UBE2R2: variants seen among roughly 807,000 people sequenced by gnomAD.
The protein encoded by UBE2R2 is ubiquitin conjugating enzyme E2 R2.
UBE2R2 carries 1 observed loss-of-function variant against 27.8 expected under a neutral mutation model. That is an observed-to-expected ratio of 0.04 (90% CI 0.01 to 0.17). The LOEUF (loss-of-function observed/expected upper bound fraction) is 0.17. UBE2R2 is among the 10% of genes least tolerant of loss of function. UBE2R2 has a pLI of 1.00. For missense variants in UBE2R2, 100 were observed against 291.0 expected (o/e 0.34, Z 4.78); for synonymous variants, 106 against 113.3 (o/e 0.94, Z 0.41).
intron 3 of UBE2R2, among the ~76,000 whole-genome samples, chr9:33,907,577 C>T (rs1822381725): frequency 6.6e-6 from 1 of 151,698 alleles, no homozygotes; most frequent in Admixed American, 6.6e-5. Flanking sequence ...ATCTGTTCCT[C>T]TAGACGTGGA....
At chr9:33,854,628 T>C (rs933998193) in intron 1 of UBE2R2, among the ~76,000 whole-genome samples, 1 of 151,962 alleles carries the variant, frequency 6.6e-6, no homozygotes, top group Non-Finnish European at 1.5e-5. Context: ...AGCCCAGAAT[T>C]GTTAATTATA....
chr9:33,829,053 TAG>T (rs1389439524), intron 1 of UBE2R2, among the ~76,000 whole-genome samples: 4 of 152,042 alleles, frequency 2.6e-5, no homozygotes, highest in African/African-American at 7.2e-5. Context: ...GTATTTTTAG[TAG>T]AGACAGGGTT....
In UBE2R2 at chr9:33,819,725, G is replaced by A. The variant is rs144851091; in HGVS notation, c.177+1791G>A. On this transcript the variant is annotated intron_variant, in intron 1 of 4. Transcript: ENST00000263228. The stretch of plus-strand genomic sequence containing the variant: ...GCGATCTCGCCTCACTGCAACCTCC[G>A]CCTCCCAGATTCAAGCTATTCTCCT... Among the ~76,000 whole-genome samples the A allele has an allele frequency of 6.6e-3, 999 of 151,468 alleles. 4 individuals carry two copies. The highest frequency in any genetic ancestry group is 0.014 in the Middle Eastern group (4 of 294).
rs940933710 is a variant in UBE2R2 at position 33,819,880 on chromosome 9, A to T, written c.177+1946A>T. ...TCTCGAACTCCAGACCCTGTGATCA[A>T]CCCGCCTCTGCCTCCCAAAGTGCTG... On this transcript the variant is annotated intron_variant, in intron 1 of 4. Coordinates refer to ENST00000263228, the MANE Select transcript of UBE2R2 (RefSeq NM_017811.4). 1.1e-4 allele frequency among the ~76,000 whole-genome samples: 17 copies of T among 151,864 alleles called. No individual in the cohort carries two copies. The South Asian group carries it at 1.9e-3, about 17-fold the overall frequency.
chr9:33,883,182 G>A (rs139219653), intron 1 of UBE2R2, among the ~76,000 whole-genome samples: 184 of 152,262 alleles, frequency 1.2e-3, no homozygotes, highest in Admixed American at 3.0e-3. Flanking sequence ...CTTAGTGAAT[G>A]CAAGGTTATG....
At chr9:33,887,012 T>A (rs12553078) in intron 2 of UBE2R2, 45 bp downstream of exon 2, 26,738 of 1,465,084 alleles carry the variant, frequency 0.018, 404 homozygotes, top group South Asian at 0.06. Flanking sequence ...TTTTTTTTTT[T>A]AAATCAGTAC....
intron 2 of UBE2R2, among the ~76,000 whole-genome samples, chr9:33,896,177 A>G (rs1822100712): frequency 1.3e-5 from 2 of 152,152 alleles, no homozygotes; most frequent in African/African-American, 4.8e-5. Context: ...AGTTTTGATT[A>G]TGTATCCTAT....
intron 1 of UBE2R2, among the ~76,000 whole-genome samples, chr9:33,865,196 A>C (rs192407188): frequency 5.0e-4 from 75 of 149,066 alleles, no homozygotes; most frequent in Non-Finnish European, 6.1e-4. Flanking sequence ...CTCTCTCTCT[A>C]TCTATCTATC....
At chr9:33,869,159 CTTG>C (rs1821426522) in intron 1 of UBE2R2, among the ~76,000 whole-genome samples, 1 of 151,852 alleles carries the variant, frequency 6.6e-6, no homozygotes. Flanking sequence ...GTCCTAGCTG[CTTG>C]GGAGGCTGAG....
At chr9:33,867,271 G>A (rs2130775317) in intron 1 of UBE2R2, among the ~76,000 whole-genome samples, 1 of 152,212 alleles carries the variant, frequency 6.6e-6, no homozygotes, top group East Asian at 1.9e-4. Context: ...ATTATGTGTA[G>A]TTGTAGATCA....
intron 1 of UBE2R2, among the ~76,000 whole-genome samples, chr9:33,867,997 T>C (rs975329388): frequency 2.0e-5 from 3 of 152,096 alleles, no homozygotes; most frequent in Non-Finnish European, 2.9e-5. Context: ...TTGTTCGGTG[T>C]CCAGGAAGAA....
intron 1 of UBE2R2, among the ~76,000 whole-genome samples, chr9:33,856,807 TTCCG>T (rs1821111965): frequency 6.6e-6 from 1 of 151,520 alleles, no homozygotes; most frequent in Non-Finnish European, 1.5e-5. Flanking sequence ...ACTTCTGTCC[TTCCG>T]TCCTTCCATC....
chr9:33,821,438 G>A (rs986022177), intron 1 of UBE2R2, among the ~76,000 whole-genome samples: 1 of 151,968 alleles, frequency 6.6e-6, no homozygotes, highest in Non-Finnish European at 1.5e-5. Flanking sequence ...TTTTACAGGC[G>A]TCAGCCACCA....
chr9:33,860,911 C>T (rs1344614204), intron 1 of UBE2R2, among the ~76,000 whole-genome samples: 1 of 150,932 alleles, frequency 6.6e-6, no homozygotes, highest in South Asian at 2.1e-4. Flanking sequence ...CCACCCCCTC[C>T]CCACAATCGT....
intron 1 of UBE2R2, among the ~76,000 whole-genome samples, chr9:33,841,359 C>T (rs1165743396): frequency 2.0e-5 from 3 of 152,146 alleles, no homozygotes; most frequent in Non-Finnish European, 4.4e-5. Context: ...GGATTACGGG[C>T]GTGAGCCACT....
At chr9:33,903,818 T>A (rs1381544644) in intron 3 of UBE2R2, among the ~76,000 whole-genome samples, 3 of 152,186 alleles carry the variant, frequency 2.0e-5, no homozygotes, top group African/African-American at 7.2e-5. Context: ...AAGATTGTTT[T>A]CCCTGCTTTT....
intron 1 of UBE2R2, among the ~76,000 whole-genome samples, chr9:33,869,135 G>T (rs1821425881): frequency 6.6e-6 from 1 of 152,062 alleles, no homozygotes; most frequent in African/African-American, 2.4e-5. Flanking sequence ...TGGGTGTGGT[G>T]GTGCAGGCCT....
Position 33,834,554 on chromosome 9 carries a change from G to A in UBE2R2, c.177+16620G>A, listed in dbSNP as rs997361274. Among the ~76,000 whole-genome samples the A allele has an allele frequency of 6.6e-5, 10 of 151,902 alleles. 1 individual carries two copies. The South Asian group carries it at 1.5e-3, about 22-fold the overall frequency. Reference sequence around the variant, plus strand: ...CCACCATCTTCCATGACCTTGTCACGATATTAGCTGTTAAATAGCTACTAT... The same window carrying A: ...CCACCATCTTCCATGACCTTGTCACAATATTAGCTGTTAAATAGCTACTAT... On this transcript the variant is annotated intron_variant, in intron 1 of 4. Coordinates refer to ENST00000263228, the MANE Select transcript of UBE2R2 (RefSeq NM_017811.4).
intron 2 of UBE2R2, among the ~76,000 whole-genome samples, chr9:33,895,147 T>C (rs987430827): frequency 2.6e-5 from 4 of 152,230 alleles, no homozygotes; most frequent in African/African-American, 9.6e-5. Flanking sequence ...GATAATGTCC[T>C]TTAGATGCAT....
Sources: gnomAD v4.1 joint callset for allele counts (sites outside exome capture counted in the v4.1 genomes callset) on GRCh38, gnomAD v4.1.1 for gene constraint, MANE v1.5 for transcripts, NCBI Gene and HGNC (gene_info 2026-07-23, HGNC 2026-07-21) for gene names.